The following TMEM255A variants were observed in gnomAD, a reference collection of about 807,000 sequenced individuals.
TMEM255A encodes the protein transmembrane protein 255A.
A neutral mutation model predicts 23.5 loss-of-function variants in TMEM255A; 14 were observed. The observed-to-expected ratio is 0.60, with a 90% CI of 0.39 to 0.93. TMEM255A has a LOEUF of 0.93. Ranked by LOEUF, TMEM255A falls within the 40% of genes least tolerant of loss-of-function variation. TMEM255A has a pLI of 0.00. For missense variants in TMEM255A, 233 were observed against 261.7 expected (o/e 0.89, Z 0.76); for synonymous variants, 104 against 100.3 (o/e 1.04, Z -0.22).
intron 5 of TMEM255A, 83 bp downstream of exon 5, chrX:120,287,070 GA>G: frequency 1.2e-6 from 1 of 834,449 alleles, no homozygotes; most frequent in Non-Finnish European, 1.8e-6. Flanking sequence ...TTAGGCCCAT[GA>G]AAAGGAGTAA....
chrX:120,292,341 C>T (rs1297190780), intron 3 of TMEM255A, among the ~76,000 whole-genome samples: 2 of 111,555 alleles, frequency 1.8e-5, no homozygotes, highest in Non-Finnish European at 3.8e-5. Context: ...CTGAGCTGAC[C>T]GCCTGCCTGT....
At position 120,294,040 on chromosome X, in the gene TMEM255A, T is replaced by G. The variant is rs1556023520; in HGVS notation, c.213A>C (p.Gly71=). The change falls in exon 3 of 9, where the codon GGA becomes GGC. Residue 71 remains glycine, a synonymous_variant. Coordinates refer to ENST00000371369, the MANE Select transcript of TMEM255A (RefSeq NM_001104544.3). ...TTGATCCAATGATTCCAAGGAACGA[T>G]CCAAAGCCGAGCTGCAAAGCAATAT... ...GYYPGVILGF[G]SFLGIIGSNL... The G allele has an allele frequency of 2.5e-6, 3 of 1,190,054 alleles. No homozygotes were observed. The highest frequency in any genetic ancestry group is 2.3e-6 in the Non-Finnish European group (2 of 880,319).
chrX:120,309,243 G>A (rs1216573650), intron 1 of TMEM255A, among the ~76,000 whole-genome samples: 9 of 113,021 alleles, frequency 8.0e-5, no homozygotes, highest in Non-Finnish European at 1.7e-4. Context: ...AATGCGTGGC[G>A]CCGGCTCCGC....
At chrX:120,255,550 G>A, downstream of TMEM255A, 1 of 653,024 alleles carries the variant, frequency 1.5e-6, no homozygotes, top group Non-Finnish European at 2.3e-6. Flanking sequence ...TTATCTGAAG[G>A]AAGTGTAGTG....
At position 120,275,459 on chromosome X, in the gene TMEM255A, C is replaced by A. The variant is rs187112215; in HGVS notation, c.675+1426G>T. On this transcript the variant is annotated intron_variant, in intron 7 of 8. Transcript: ENST00000371369. Reference sequence around the variant, plus strand: ...CTTGTCCTACCCCACCTTTCACTTTCCAACATTCATCCTTTTGACCGTCCA... The same window carrying A: ...CTTGTCCTACCCCACCTTTCACTTTACAACATTCATCCTTTTGACCGTCCA... Among the ~76,000 whole-genome samples the A allele has an allele frequency of 2.5e-3, 276 of 111,788 alleles. 2 individuals are homozygous for A. The highest frequency in any genetic ancestry group is 8.3e-3 in the African/African-American group (256 of 30,746).
At chrX:120,310,926 A>G in intron 1 of TMEM255A, among the ~76,000 whole-genome samples, 1 of 109,489 alleles carries the variant, frequency 9.1e-6, no homozygotes, top group Non-Finnish European at 1.9e-5. Flanking sequence ...GTTGCAGGGA[A>G]GTGTTTTGAT....
At chrX:120,296,142 C>G in intron 2 of TMEM255A, among the ~76,000 whole-genome samples, 1 of 112,106 alleles carries the variant, frequency 8.9e-6, no homozygotes, top group East Asian at 2.8e-4. Flanking sequence ...CTTAACAATT[C>G]ATCAGCTTCC....
Position 120,277,060 on chromosome X carries a change from G to A in TMEM255A, c.513-13C>T, listed in dbSNP as rs1556019997. 2 of 1,201,503 alleles carry A rather than the reference G, an allele frequency of 1.7e-6. No homozygotes were observed. ...GATCTCCACCCGGCTGGACAGGGAGGAGCATGCTCCAGTCAGTCCCCAGGG... is the reference window on the plus strand; with the variant it reads ...GATCTCCACCCGGCTGGACAGGGAGAAGCATGCTCCAGTCAGTCCCCAGGG... On this transcript the variant is annotated splice_polypyrimidine_tract_variant and intron_variant, in intron 6 of 8. Coordinates refer to ENST00000371369, the MANE Select transcript of TMEM255A (RefSeq NM_001104544.3).
chrX:120,285,738 G>A (rs1556021722), intron 5 of TMEM255A: 1 of 1,206,522 alleles, frequency 8.3e-7, no homozygotes. Context: ...AGGGTTACAA[G>A]TGAACCTATG....
intron 7 of TMEM255A, among the ~76,000 whole-genome samples, chrX:120,269,359 C>G (rs868965064): frequency 1.8e-5 from 2 of 111,679 alleles, no homozygotes; most frequent in Non-Finnish European, 3.8e-5. Context: ...ATTTTTCCAT[C>G]TTCTATGTCA....
At chrX:120,288,887 T>C (rs1353875550) in intron 4 of TMEM255A, among the ~76,000 whole-genome samples, 1 of 112,029 alleles carries the variant, frequency 8.9e-6, no homozygotes, top group African/African-American at 3.3e-5. Context: ...GAAGGTAAAG[T>C]GATTTTCCAA....
At chrX:120,293,045 A>T (rs1227196123) in intron 3 of TMEM255A, among the ~76,000 whole-genome samples, 4 of 112,462 alleles carry the variant, frequency 3.6e-5, no homozygotes, top group African/African-American at 9.7e-5. Flanking sequence ...GAAGAAAAAA[A>T]CTATTAGAAC....
downstream of TMEM255A, chrX:120,254,329 C>G: frequency 8.3e-7 from 1 of 1,211,857 alleles, no homozygotes; most frequent in Non-Finnish European, 1.1e-6. Flanking sequence ...ATGCCCTCTT[C>G]AATCAATTTA....
chrX:120,302,198 A>G (rs1244144261), intron 2 of TMEM255A, among the ~76,000 whole-genome samples: 3 of 111,247 alleles, frequency 2.7e-5, no homozygotes, highest in African/African-American at 9.8e-5. Flanking sequence ...AATAACAGCA[A>G]TCAGGCACCC....
At chrX:120,299,761 A>G (rs1405365310) in intron 2 of TMEM255A, among the ~76,000 whole-genome samples, 1 of 112,278 alleles carries the variant, frequency 8.9e-6, no homozygotes, top group Non-Finnish European at 1.9e-5. Context: ...TTTACTACAA[A>G]ATCCCACTAT....
chrX:120,297,713 G>A (rs573473218), intron 2 of TMEM255A, among the ~76,000 whole-genome samples: 1 of 110,515 alleles, frequency 9.0e-6, no homozygotes, highest in Admixed American at 9.6e-5. Flanking sequence ...ACTAGCTCTC[G>A]GGTCCCCTGA....
chrX:120,297,422 G>T (rs967807656), intron 2 of TMEM255A, among the ~76,000 whole-genome samples: 2 of 106,804 alleles, frequency 1.9e-5, no homozygotes, highest in Non-Finnish European at 1.9e-5. Flanking sequence ...TCAAAAGATG[G>T]ATTAGAGCTC....
intron 3 of TMEM255A, 99 bp downstream of exon 3, chrX:120,293,890 T>A: frequency 3.2e-6 from 2 of 627,437 alleles, no homozygotes; most frequent in Non-Finnish European, 5.0e-6. Flanking sequence ...GTTCCTTTTA[T>A]GACCAAATCA....
chrX:120,255,057 C>G (rs781789397), downstream of TMEM255A: 1 of 1,211,621 alleles, frequency 8.3e-7, no homozygotes, highest in Non-Finnish European at 1.1e-6. Flanking sequence ...CACAGGGGAG[C>G]GAAGGTATCA....
Sources: allele counts gnomAD v4.1 joint callset (sites outside exome capture counted in the v4.1 genomes callset), GRCh38; gene constraint gnomAD v4.1.1; transcripts MANE v1.5; gene names NCBI Gene and HGNC (gene_info 2026-07-23, HGNC 2026-07-21).